DPYSL5: variants seen among roughly 807,000 people sequenced by gnomAD.
DPYSL5 encodes the protein dihydropyrimidinase-related protein 5.
A neutral mutation model predicts 58.4 loss-of-function variants in DPYSL5; 9 were observed. The ratio of observed to expected loss-of-function variants is 0.15; its 90% CI spans 0.09 to 0.27. DPYSL5 has a LOEUF of 0.27. Ranked by LOEUF, DPYSL5 falls within the 10% of genes least tolerant of loss-of-function variation. The pLI, the probability that DPYSL5 is intolerant of heterozygous loss-of-function variation, is 1.00. For missense variants in DPYSL5, 499 were observed against 770.6 expected (o/e 0.65, Z 4.17); for synonymous variants, 293 against 301.9 (o/e 0.97, Z 0.31).
At position 26,925,076 on chromosome 2, in the gene DPYSL5, G is replaced by A. The variant is rs368542857; in HGVS notation, c.420+31G>A. 1 of 1,608,732 alleles carries A rather than the reference G, an allele frequency of 6.2e-7. No homozygotes were observed. Among genetic ancestry groups the A allele is most frequent in the African/African-American group, 1.3e-5 (1 of 74,852 alleles). On this transcript the variant is annotated intron_variant, in intron 3 of 12. Coordinates refer to ENST00000288699, the MANE Select transcript of DPYSL5 (RefSeq NM_020134.4). This position sits in a 1 kb window ranked among gnomAD's most constrained non-coding sequence, Gnocchi z 4.5. ...AGTGCTGGTGGGATCCCAGAAGAAG[G>A]CACAAGTGGTCTTGTAGGCAGAGGG...
chr2:26,877,119 A>G lies in DPYSL5; in HGVS notation c.-4-21377A>G, dbSNP rs557069343. Among the ~76,000 whole-genome samples the G allele has an allele frequency of 6.6e-6, 1 of 151,714 alleles. No individual in the cohort carries two copies. The highest frequency in any genetic ancestry group is 6.6e-5 in the Admixed American group (1 of 15,240). On this transcript the variant is annotated intron_variant, in intron 1 of 12. Transcript: ENST00000288699. This position sits in a 1 kb window ranked among gnomAD's most constrained non-coding sequence, Gnocchi z 4.1. ...GTAGCTGGGATTATAGGCGCCTGCC[A>G]CCAAGCCCGGCTAATTTTTGTATTT...
intron 1 of DPYSL5, among the ~76,000 whole-genome samples, chr2:26,872,108 C>T (rs1002659803): frequency 1.3e-5 from 2 of 152,106 alleles, no homozygotes; most frequent in Non-Finnish European, 2.9e-5. Context: ...CATTTAAGTC[C>T]GGGCACGTGT....
chr2:26,923,238 GGAGGATCACTT>G (rs1410724761), intron 2 of DPYSL5, among the ~76,000 whole-genome samples: 2 of 152,150 alleles, frequency 1.3e-5, no homozygotes, highest in Non-Finnish European at 2.9e-5. Flanking sequence ...GGCCAAGGTG[GGAGGATCACTT>G]GAGCCCAGGA....
In DPYSL5 at chr2:26,877,127, C is replaced by T. The variant is rs1331398907; in HGVS notation, c.-4-21369C>T. Among the ~76,000 whole-genome samples, 3 of 151,660 alleles carry T rather than the reference C, an allele frequency of 2.0e-5. No homozygotes were observed. Among genetic ancestry groups the T allele is most frequent in the South Asian group, 2.1e-4 (1 of 4,788 alleles). On this transcript the variant is annotated intron_variant, in intron 1 of 12. Transcript: ENST00000288699. This position sits in a 1 kb window ranked among gnomAD's most constrained non-coding sequence, Gnocchi z 4.1. ...GATTATAGGCGCCTGCCACCAAGCC[C>T]GGCTAATTTTTGTATTTTTAGTAGA...
chr2:26,944,057 C>T lies in DPYSL5; in HGVS notation c.1441-599C>T, dbSNP rs1665396918. 6.6e-6 allele frequency among the ~76,000 whole-genome samples: 1 copy of T among 152,012 alleles called. No homozygotes were observed. The highest frequency in any genetic ancestry group is 1.5e-5 in the Non-Finnish European group (1 of 68,002). ...CTGTAATCCCGGAACTTTGGGAGGC[C>T]GAGGCGGGTGGATCACGAGGTCAGG... On this transcript the variant is annotated intron_variant, in intron 11 of 12. Transcript: ENST00000288699. The surrounding 1 kb of genome is among the most constrained non-coding windows in gnomAD (Gnocchi z 4.4).
chr2:26,931,706 G>C (rs761460043), intron 6 of DPYSL5, 22 bp downstream of exon 6: 1 of 1,613,534 alleles, frequency 6.2e-7, no homozygotes, highest in Non-Finnish European at 8.5e-7. Flanking sequence ...GATGTCCACT[G>C]TGGGATTAGA....
chr2:26,856,257 GA>G (rs911854746), intron 1 of DPYSL5, among the ~76,000 whole-genome samples: 2 of 151,932 alleles, frequency 1.3e-5, no homozygotes, highest in African/African-American at 4.8e-5. Context: ...TTAAAAAAGG[GA>G]AAAAAAGAAA....
At chr2:26,939,751 T>A (rs1665269369) in intron 8 of DPYSL5, 1 of 355,558 alleles carries the variant, frequency 2.8e-6, no homozygotes, top group Non-Finnish European at 5.2e-6. Context: ...AAGTTCGGCT[T>A]TTCTCTGCTA....
Position 26,877,743 on chromosome 2 carries a change from A to G in DPYSL5, c.-4-20753A>G, listed in dbSNP as rs1227308265. Among the ~76,000 whole-genome samples the G allele has an allele frequency of 1.3e-5, 2 of 152,238 alleles. No homozygotes were observed. The highest frequency in any genetic ancestry group is 2.4e-5 in the African/African-American group (1 of 41,466). ...AACTGCAGTTAATAGTTTCATATAT[A>G]TATGAAATCTCACTCATATAAATAC... On this transcript the variant is annotated intron_variant, in intron 1 of 12. Coordinates refer to ENST00000288699, the MANE Select transcript of DPYSL5 (RefSeq NM_020134.4). The surrounding 1 kb of genome is among the most constrained non-coding windows in gnomAD (Gnocchi z 4.1).
At chr2:26,903,130 C>T (rs1229849736) in intron 2 of DPYSL5, among the ~76,000 whole-genome samples, 4 of 150,906 alleles carry the variant, frequency 2.7e-5, no homozygotes, top group African/African-American at 7.3e-5. Flanking sequence ...AGTGCAATGG[C>T]GAGATCTCAG....
rs756146330 is a variant in DPYSL5, at chr2:26,944,858, G to A, written c.1609+34G>A. On this transcript the variant is annotated intron_variant, in intron 12 of 12. Coordinates refer to ENST00000288699, the MANE Select transcript of DPYSL5 (RefSeq NM_020134.4). This position sits in a 1 kb window ranked among gnomAD's most constrained non-coding sequence, Gnocchi z 4.4. ...CAGGGGGCCACGGGAGGAGGATGGG[G>A]GTCTGGGAGAAGTGGCCCACCTAGG... The A allele has an allele frequency of 1.3e-5, 21 of 1,605,926 alleles. No homozygotes were observed. In the South Asian group the frequency reaches 2.2e-4, roughly 17 times the overall value.
At chr2:26,911,787 G>C (rs920418605) in intron 2 of DPYSL5, among the ~76,000 whole-genome samples, 1 of 152,124 alleles carries the variant, frequency 6.6e-6, no homozygotes, top group Non-Finnish European at 1.5e-5. Flanking sequence ...GTCAGGCCTG[G>C]GCTGGAGCTT....
At position 26,933,395 on chromosome 2, in the gene DPYSL5, C is replaced by T; in HGVS notation, c.790+62C>T. On this transcript the variant is annotated intron_variant, in intron 7 of 12. Transcript: ENST00000288699. This position sits in a 1 kb window ranked among gnomAD's most constrained non-coding sequence, Gnocchi z 4.2. Reference sequence around the variant, plus strand: ...GTGGAGGGACTGGAGATGGATGGGGCCCATTAGCCGTGCTCACTCCTGGCC... The same window carrying T: ...GTGGAGGGACTGGAGATGGATGGGGTCCATTAGCCGTGCTCACTCCTGGCC... 1 of 1,512,010 alleles carries T rather than the reference C, an allele frequency of 6.6e-7. No individual in the cohort carries two copies. The highest frequency in any genetic ancestry group is 9.2e-7 in the Non-Finnish European group (1 of 1,091,764). 93.7% of individuals were successfully genotyped at this position (1,512,010 alleles called of 1,614,324 possible). A position where few individuals can be genotyped will look rare whatever the true frequency, so the allele number is the denominator to read the frequency against.
chr2:26,893,256 T>G (rs1172276419), intron 1 of DPYSL5, among the ~76,000 whole-genome samples: 1 of 152,220 alleles, frequency 6.6e-6, no homozygotes, highest in Non-Finnish European at 1.5e-5. Flanking sequence ...TGAGATTCCA[T>G]GCACTTGAGC....
intron 2 of DPYSL5, among the ~76,000 whole-genome samples, chr2:26,914,512 G>A (rs1446291173): frequency 6.6e-6 from 1 of 152,208 alleles, no homozygotes; most frequent in African/African-American, 2.4e-5. Context: ...GGAAGGAGGG[G>A]CAGGGGCTTT....
intron 1 of DPYSL5, among the ~76,000 whole-genome samples, chr2:26,872,741 T>A (rs1459545809): frequency 2.0e-5 from 3 of 151,672 alleles, no homozygotes; most frequent in Non-Finnish European, 4.4e-5. Context: ...TACTCTATAT[T>A]AAAAATGGCG....
At chr2:26,882,962 G>A (rs1663612805) in intron 1 of DPYSL5, among the ~76,000 whole-genome samples, 1 of 150,044 alleles carries the variant, frequency 6.7e-6, no homozygotes, top group Non-Finnish European at 1.5e-5. Context: ...TGGAAAATTA[G>A]GGGGGCAGAA....
chr2:26,932,107 GAAAAGA>G (rs1665018158), intron 6 of DPYSL5, among the ~76,000 whole-genome samples: 2 of 101,954 alleles, frequency 2.0e-5, no homozygotes, highest in South Asian at 3.1e-4. Flanking sequence ...GAGAAAGAAA[GAAAAGA>G]AAAAAGAAAG....
chr2:26,924,773 C>G lies in DPYSL5; in HGVS notation c.262-114C>G, dbSNP rs1052890539. On this transcript the variant is annotated intron_variant, in intron 2 of 12. Transcript: ENST00000288699. The surrounding 1 kb of genome is among the most constrained non-coding windows in gnomAD (Gnocchi z 4.7). Reference sequence around the variant, plus strand: ...ACCTCGCTGCCCTTGGTCCTCACAGCCTCTTGTGAGGCAGGGCCTGTCTTT... The same window carrying G: ...ACCTCGCTGCCCTTGGTCCTCACAGGCTCTTGTGAGGCAGGGCCTGTCTTT... The G allele has an allele frequency of 7.1e-7, 1 of 1,400,256 alleles. No individual in the cohort carries two copies. The highest frequency in any genetic ancestry group is 1.4e-5 in the African/African-American group (1 of 69,264). 86.7% of individuals were successfully genotyped at this position (1,400,256 alleles called of 1,614,324 possible). A position where few individuals can be genotyped will look rare whatever the true frequency, so the allele number is the denominator to read the frequency against.
Sources: allele counts gnomAD v4.1 joint callset (sites outside exome capture counted in the v4.1 genomes callset), GRCh38; gene constraint gnomAD v4.1.1; non-coding constraint Gnocchi (gnomAD v3.1); transcripts MANE v1.5; gene names NCBI Gene and HGNC (gene_info 2026-07-23, HGNC 2026-07-21).